The following GPCPD1 variants were observed in gnomAD, a reference collection of about 807,000 sequenced individuals.
GPCPD1 encodes the protein glycerophosphocholine phosphodiesterase 1.
A neutral mutation model predicts 89.2 loss-of-function variants in GPCPD1; 29 were observed. The ratio of observed to expected loss-of-function variants is 0.33; its 90% CI spans 0.24 to 0.44. GPCPD1 has a LOEUF of 0.44. GPCPD1 is among the 20% of genes least tolerant of loss of function. GPCPD1 has a pLI of 1.00. For missense variants in GPCPD1, 594 were observed against 808.9 expected (o/e 0.73, Z 3.22); for synonymous variants, 258 against 266.3 (o/e 0.97, Z 0.30).
At chr20:5,575,366 A>C in intron 10 of GPCPD1, 47 bp downstream of exon 10, 1 of 1,415,452 alleles carries the variant, frequency 7.1e-7, no homozygotes, top group Middle Eastern at 2.4e-4. Flanking sequence ...AACTCTACCG[A>C]ACATAAGCTA....
chr20:5,576,009 T>C (rs763092676), intron 8 of GPCPD1, 31 bp from the exon 9 acceptor site: 1 of 1,348,580 alleles, frequency 7.4e-7, no homozygotes, highest in Non-Finnish European at 1.0e-6. Flanking sequence ...ATAATCTTAA[T>C]TTTTAAACTT....
Position 5,575,532 on chromosome 20 carries a change from A to G in GPCPD1, c.882T>C (p.Ile294=). Residue 294 remains isoleucine, a synonymous_variant, in exon 10 of 20, where the codon ATT becomes ATC. Coordinates refer to ENST00000379019, the MANE Select transcript of GPCPD1 (RefSeq NM_019593.5). ...AACTGTATCCTGGTAATGGCTTAATAATTATATAGTCAACTTTCATAGGAA... is the reference window on the plus strand; with the variant it reads ...AACTGTATCCTGGTAATGGCTTAATGATTATATAGTCAACTTTCATAGGAA... ...TIGKVRVDYI[I]IKPLPGYSCD... 6.3e-7 allele frequency: 1 copy of G among 1,578,508 alleles called. No homozygotes were observed. Among genetic ancestry groups the G allele is most frequent in the South Asian group, 1.1e-5 (1 of 88,246 alleles).
chr20:5,562,818 C>G (rs1456149856), intron 15 of GPCPD1, among the ~76,000 whole-genome samples: 1 of 152,078 alleles, frequency 6.6e-6, no homozygotes. Flanking sequence ...TTAATTTTCT[C>G]CTATATCTAA....
In GPCPD1 at chr20:5,604,438, G is replaced by T; in HGVS notation, c.-26C>A. The T allele has an allele frequency of 6.7e-7, 1 of 1,495,762 alleles. No individual in the cohort carries two copies. Among genetic ancestry groups the T allele is most frequent in the Non-Finnish European group, 9.2e-7 (1 of 1,086,620 alleles). 92.7% of individuals were successfully genotyped at this position (1,495,762 alleles called of 1,614,324 possible). A position where few individuals can be genotyped will look rare whatever the true frequency, so the allele number is the denominator to read the frequency against. ...TCTGATGGATTTATTTTATGATGTC[G>T]TGCTAGGAAAAAAAAGAAAAGTAAC... On this transcript the variant is annotated splice_region_variant and 5_prime_UTR_variant, in exon 2 of 20. Coordinates refer to ENST00000379019, the MANE Select transcript of GPCPD1 (RefSeq NM_019593.5).
chr20:5,551,766 C>CA (rs553786414), intron 19 of GPCPD1, among the ~76,000 whole-genome samples: 70 of 151,836 alleles, frequency 4.6e-4, no homozygotes, highest in Non-Finnish European at 8.8e-4. Context: ...GACTCTGTCT[C>CA]AAAAAAATAA....
intron 10 of GPCPD1, among the ~76,000 whole-genome samples, chr20:5,574,554 G>A (rs1175543933): frequency 6.6e-6 from 1 of 152,120 alleles, no homozygotes; most frequent in African/African-American, 2.4e-5. Context: ...GGGCAACAAG[G>A]TGAGACCCGG....
chr20:5,553,443 C>T (rs889760954), intron 19 of GPCPD1, among the ~76,000 whole-genome samples: 2 of 152,172 alleles, frequency 1.3e-5, no homozygotes, highest in East Asian at 3.9e-4. Flanking sequence ...CCCCTAAGTG[C>T]TCAGGTGAAA....
chr20:5,599,745 G>A (rs1268942822), intron 2 of GPCPD1, among the ~76,000 whole-genome samples: 7 of 151,968 alleles, frequency 4.6e-5, no homozygotes, highest in African/African-American at 1.7e-4. Context: ...AATAAAGATG[G>A]GGTAACCATA....
intron 4 of GPCPD1, among the ~76,000 whole-genome samples, chr20:5,588,650 C>T (rs1339676431): frequency 7.1e-6 from 1 of 140,704 alleles, no homozygotes; most frequent in Non-Finnish European, 1.5e-5. Flanking sequence ...CATGGTGAAA[C>T]CCCATCTCTA....
intron 19 of GPCPD1, among the ~76,000 whole-genome samples, chr20:5,549,879 GAC>G (rs1169707921): frequency 2.6e-5 from 4 of 151,112 alleles, no homozygotes; most frequent in South Asian, 2.1e-4. Context: ...GGAAATTAAA[GAC>G]ACAATAGCAG....
intron 5 of GPCPD1, chr20:5,585,218 T>C (rs1978830700): frequency 6.6e-6 from 1 of 152,166 alleles, no homozygotes. Context: ...AATATTATAA[T>C]TTTAAGTATA....
chr20:5,556,469 G>A (rs1292498277), intron 19 of GPCPD1, among the ~76,000 whole-genome samples: 1 of 152,208 alleles, frequency 6.6e-6, no homozygotes, highest in Non-Finnish European at 1.5e-5. Context: ...CTCCCAAGGT[G>A]CTGGGATTAC....
intron 19 of GPCPD1, chr20:5,549,497 G>T: frequency 8.6e-7 from 1 of 1,164,066 alleles, no homozygotes; most frequent in South Asian, 1.2e-5. Context: ...CACCTTCTGA[G>T]TATTCTTCTG....
At chr20:5,607,821 TA>T (rs11478411) in intron 1 of GPCPD1, among the ~76,000 whole-genome samples, 38,967 of 113,090 alleles carry the variant, frequency 0.34, 6,846 homozygotes, top group African/African-American at 0.58. Flanking sequence ...CTGTCTCAAA[TA>T]AAAAAAAAAA....
At chr20:5,603,881 G>A (rs1980362013) in intron 2 of GPCPD1, among the ~76,000 whole-genome samples, 1 of 151,854 alleles carries the variant, frequency 6.6e-6, no homozygotes, top group African/African-American at 2.4e-5. Context: ...CAAGTAGCTG[G>A]GATTACAGGC....
chr20:5,593,586 C>T (rs969576963), intron 3 of GPCPD1, among the ~76,000 whole-genome samples, 175 bp from the exon 4 acceptor site: 3 of 152,194 alleles, frequency 2.0e-5, no homozygotes, highest in Non-Finnish European at 4.4e-5. Context: ...GGGGTATATA[C>T]TGCAGAAAGA....
At chr20:5,565,687 C>T (rs1222179096) in intron 14 of GPCPD1, among the ~76,000 whole-genome samples, 1 of 146,158 alleles carries the variant, frequency 6.8e-6, no homozygotes, top group Non-Finnish European at 1.5e-5. Flanking sequence ...TAAAGTACTA[C>T]TCTTTAAAAA....
At chr20:5,596,484 A>G (rs1979739243) in intron 3 of GPCPD1, among the ~76,000 whole-genome samples, 1 of 152,238 alleles carries the variant, frequency 6.6e-6, no homozygotes, top group African/African-American at 2.4e-5. Flanking sequence ...ACGGGTAGTC[A>G]TATGGTGGTT....
chr20:5,555,634 G>A (rs1985719168), intron 19 of GPCPD1, among the ~76,000 whole-genome samples: 1 of 152,222 alleles, frequency 6.6e-6, no homozygotes, highest in Non-Finnish European at 1.5e-5. Context: ...CAAGGCGGGT[G>A]GATCACTTGG....
Sources: gnomAD v4.1 joint callset for allele counts (sites outside exome capture counted in the v4.1 genomes callset) on GRCh38, gnomAD v4.1.1 for gene constraint, MANE v1.5 for transcripts, NCBI Gene and HGNC (gene_info 2026-07-23, HGNC 2026-07-21) for gene names.